HTR1F: variants seen among roughly 807,000 people sequenced by gnomAD.
HTR1F encodes the protein 5-hydroxytryptamine receptor 1F.
Under a neutral mutation model 24.0 loss-of-function variants are expected in HTR1F, and 17 were observed. That is an observed-to-expected ratio of 0.71 (90% CI 0.48 to 1.06). The LOEUF (loss-of-function observed/expected upper bound fraction) is 1.06. Ranked by LOEUF, HTR1F falls within the 50% of genes least tolerant of loss-of-function variation. The pLI, the probability that HTR1F is intolerant of heterozygous loss-of-function variation, is 0.00. For missense variants in HTR1F, 391 were observed against 427.8 expected (o/e 0.91, Z 0.76); for synonymous variants, 186 against 156.8 (o/e 1.19, Z -1.39).
chr3:87,855,352 G>T (rs573827308), intron 2 of HTR1F, among the ~76,000 whole-genome samples: 1 of 152,048 alleles, frequency 6.6e-6, no homozygotes, highest in Admixed American at 6.6e-5. Context: ...ATAATCCAGG[G>T]ATCCTCATGG....
chr3:87,909,019 T>A (rs1371907808), intron 2 of HTR1F, among the ~76,000 whole-genome samples: 3 of 152,088 alleles, frequency 2.0e-5, no homozygotes, highest in Admixed American at 6.6e-5. Flanking sequence ...AATATCCAGT[T>A]CTTTCCCACT....
At chr3:87,977,703 G>A (rs1215240659) in intron 2 of HTR1F, among the ~76,000 whole-genome samples, 2 of 151,744 alleles carry the variant, frequency 1.3e-5, no homozygotes, top group East Asian at 1.9e-4. Flanking sequence ...TTACAGGCAT[G>A]AGCCACTGCT....
intron 2 of HTR1F, among the ~76,000 whole-genome samples, chr3:87,832,359 G>A (rs568631578): frequency 8.7e-5 from 11 of 126,188 alleles, no homozygotes; most frequent in African/African-American, 3.1e-4. Flanking sequence ...ATGGAGTCTC[G>A]CTCTGTCGCC....
intron 2 of HTR1F, among the ~76,000 whole-genome samples, chr3:87,954,117 G>A (rs1186081417): frequency 6.6e-6 from 1 of 151,738 alleles, no homozygotes; most frequent in Admixed American, 6.6e-5. Flanking sequence ...AAAGGAGTAA[G>A]TTGTAGTGTT....
intron 2 of HTR1F, among the ~76,000 whole-genome samples, chr3:87,839,530 A>G (rs1575928912): frequency 6.6e-6 from 1 of 151,980 alleles, no homozygotes; most frequent in East Asian, 1.9e-4. Context: ...GATTGCTTTG[A>G]TGATTTGGGG....
At chr3:87,883,229 C>G (rs1277418590) in intron 2 of HTR1F, among the ~76,000 whole-genome samples, 1 of 152,168 alleles carries the variant, frequency 6.6e-6, no homozygotes, top group Non-Finnish European at 1.5e-5. Context: ...AGCTGAGCGA[C>G]CTGACTGTTG....
At chr3:87,957,898 G>A (rs894874439) in intron 2 of HTR1F, among the ~76,000 whole-genome samples, 2 of 150,884 alleles carry the variant, frequency 1.3e-5, no homozygotes, top group African/African-American at 4.9e-5. Flanking sequence ...TGTTTTTTAT[G>A]TCTTTGATGT....
At chr3:87,876,345 G>GAAGTAACCT (rs1705672866) in intron 2 of HTR1F, among the ~76,000 whole-genome samples, 1 of 152,160 alleles carries the variant, frequency 6.6e-6, no homozygotes, top group Non-Finnish European at 1.5e-5. Context: ...CTAGGAAGTG[G>GAAGTAACCT]AAGTAACCTA....
intron 1 of HTR1F, among the ~76,000 whole-genome samples, chr3:87,805,594 G>A (rs1044858683): frequency 2.6e-5 from 4 of 151,884 alleles, no homozygotes; most frequent in Non-Finnish European, 4.4e-5. Flanking sequence ...GATATTTAGA[G>A]CATCTATCAG....
At chr3:87,801,338 G>T (rs1238356626) in intron 1 of HTR1F, among the ~76,000 whole-genome samples, 1 of 152,114 alleles carries the variant, frequency 6.6e-6, no homozygotes, top group Non-Finnish European at 1.5e-5. Flanking sequence ...AAAATTAGTG[G>T]AGTAAAATCT....
chr3:87,968,501 C>A (rs183328097), intron 2 of HTR1F, among the ~76,000 whole-genome samples: 1 of 152,038 alleles, frequency 6.6e-6, no homozygotes. Flanking sequence ...CATGAACCAC[C>A]GCACCTGGCC....
chr3:87,974,655 G>A (rs1300072941), intron 2 of HTR1F, among the ~76,000 whole-genome samples: 1 of 152,024 alleles, frequency 6.6e-6, no homozygotes, highest in African/African-American at 2.4e-5. Context: ...ATGTTTTATG[G>A]CATATTCATT....
rs763871675 is a variant in HTR1F at position 87,990,902 on chromosome 3, C to T, written c.153C>T (p.Thr51=). The T allele has an allele frequency of 6.2e-7, 1 of 1,614,122 alleles. No homozygotes were observed. Among genetic ancestry groups the T allele is most frequent in the Non-Finnish European group, 8.5e-7 (1 of 1,180,026 alleles). The change falls in exon 3 of 3, where the codon ACC becomes ACT. Residue 51 remains threonine (T), a synonymous_variant. Transcript: ENST00000319595. ...NSLVIAAIIV[T]RKLHHPANYL... is the part of the protein sequence containing the mutation. ...TTGTGATCGCTGCAATTATTGTGACCCGGAAGCTGCACCATCCAGCCAATT... is the reference window on the plus strand; with the variant it reads ...TTGTGATCGCTGCAATTATTGTGACTCGGAAGCTGCACCATCCAGCCAATT...
chr3:87,872,055 G>A (rs1237959535), intron 2 of HTR1F, among the ~76,000 whole-genome samples: 1 of 151,978 alleles, frequency 6.6e-6, no homozygotes, highest in Admixed American at 6.6e-5. Flanking sequence ...CATATAAAAT[G>A]TTTTTTCAGA....
chr3:87,873,239 T>C (rs1334321788), intron 2 of HTR1F, among the ~76,000 whole-genome samples: 2 of 151,966 alleles, frequency 1.3e-5, no homozygotes, highest in Non-Finnish European at 2.9e-5. Flanking sequence ...ACGCCAGTAG[T>C]ATAATTTAGT....
chr3:87,926,355 T>C (rs79458897), intron 2 of HTR1F, among the ~76,000 whole-genome samples: 2,601 of 152,304 alleles, frequency 0.017, 35 homozygotes, highest in Non-Finnish European at 0.025. Context: ...CATATCTTTA[T>C]TATTTCACAC....
intron 2 of HTR1F, among the ~76,000 whole-genome samples, chr3:87,828,280 C>G (rs561610859): frequency 4.1e-4 from 63 of 152,260 alleles, no homozygotes; most frequent in African/African-American, 1.5e-3. Flanking sequence ...ATAACATGAA[C>G]TGGGAGTGTC....
intron 2 of HTR1F, among the ~76,000 whole-genome samples, chr3:87,954,192 A>G (rs1704895294): frequency 6.6e-6 from 1 of 151,836 alleles, no homozygotes; most frequent in Admixed American, 6.6e-5. Context: ...TAGCTAGAAG[A>G]CATGAATGTT....
intron 2 of HTR1F, among the ~76,000 whole-genome samples, chr3:87,974,411 C>T (rs62265505): frequency 0.053 from 8,042 of 151,952 alleles, 283 homozygotes; most frequent in Non-Finnish European, 0.08. Context: ...AGTCTATTTC[C>T]GAGTGCATGT....
Sources: gnomAD v4.1 joint callset for allele counts (sites outside exome capture counted in the v4.1 genomes callset) on GRCh38, gnomAD v4.1.1 for gene constraint, MANE v1.5 for transcripts, NCBI Gene and HGNC (gene_info 2026-07-23, HGNC 2026-07-21) for gene names.